The following NEGR1 variants were observed in gnomAD, a reference collection of about 807,000 sequenced individuals.
NEGR1 encodes the protein neuronal growth regulator 1, also known as IgLON family member 4.
NEGR1 carries 10 observed loss-of-function variants against 40.9 expected under a neutral mutation model. The ratio of observed to expected loss-of-function variants is 0.24; its 90% CI spans 0.15 to 0.42. NEGR1 has a LOEUF of 0.42. Ranked by LOEUF, NEGR1 falls within the 10% of genes least tolerant of loss-of-function variation. The pLI, the probability that NEGR1 is intolerant of heterozygous loss-of-function variation, is 1.00. For missense variants in NEGR1, 352 were observed against 438.9 expected, an observed-to-expected ratio of 0.80 and a Z score of 1.77; for synonymous variants, 185 against 166.8, an observed-to-expected ratio of 1.11 and a Z score of -0.84.
In NEGR1 at chr1:71,955,097, T is replaced by C. The variant is rs138184148; in HGVS notation, c.177-19786A>G. On this transcript the variant is annotated intron_variant, in intron 1 of 6. Transcript: ENST00000357731. ...TCCAAATTCTTGGCCCTTTGTACCATGCTTTACAGATTACTACAAAGTACA... is the reference window on the plus strand; with the variant it reads ...TCCAAATTCTTGGCCCTTTGTACCACGCTTTACAGATTACTACAAAGTACA... 4.0e-3 allele frequency among the ~76,000 whole-genome samples: 603 copies of C among 152,292 alleles called. 5 individuals carry two copies. Among genetic ancestry groups the C allele is most frequent in the African/African-American group, 0.013 (555 of 41,580 alleles).
intron 1 of NEGR1, among the ~76,000 whole-genome samples, chr1:72,140,206 G>A (rs1468119060): frequency 7.0e-6 from 1 of 142,858 alleles, no homozygotes; most frequent in Non-Finnish European, 1.5e-5. Flanking sequence ...CTGCTCTTCA[G>A]GACTTAAGAT....
At chr1:71,632,672 T>C (rs1651014216) in intron 4 of NEGR1, among the ~76,000 whole-genome samples, 1 of 151,872 alleles carries the variant, frequency 6.6e-6, no homozygotes, top group Non-Finnish European at 1.5e-5. Context: ...TAAGATAAAG[T>C]TTATTTCTTA....
chr1:72,115,874 G>C (rs1649562062), intron 1 of NEGR1, among the ~76,000 whole-genome samples: 1 of 151,724 alleles, frequency 6.6e-6, no homozygotes, highest in Non-Finnish European at 1.5e-5. Context: ...AAGCACTTCT[G>C]ATAACTTTAA....
At chr1:71,424,400 C>T (rs1458779815) in intron 6 of NEGR1, among the ~76,000 whole-genome samples, 1 of 152,170 alleles carries the variant, frequency 6.6e-6, no homozygotes, top group Non-Finnish European at 1.5e-5. Flanking sequence ...CTCAGTGTCA[C>T]AGGAGATAAT....
chr1:71,417,515 A>G (rs1195248725), intron 6 of NEGR1, among the ~76,000 whole-genome samples: 1 of 152,192 alleles, frequency 6.6e-6, no homozygotes, highest in Non-Finnish European at 1.5e-5. Flanking sequence ...TCATACCATA[A>G]ATATAGAGTT....
chr1:71,542,887 T>G (rs1570008300), intron 6 of NEGR1, among the ~76,000 whole-genome samples: 1 of 151,844 alleles, frequency 6.6e-6, no homozygotes, highest in South Asian at 2.1e-4. Context: ...CATTTAACTT[T>G]GGAAAAAATT....
rs969140708 is a variant in NEGR1, at chr1:71,880,816, C to T, written c.409+54263G>A. On this transcript the variant is annotated intron_variant, in intron 2 of 6. Coordinates refer to ENST00000357731, the MANE Select transcript of NEGR1 (RefSeq NM_173808.3). ...GCTATGAGCATTTTTTTAGAGCTCACATTTACTAGCCACAATATGGAATAT... is the reference window on the plus strand; with the variant it reads ...GCTATGAGCATTTTTTTAGAGCTCATATTTACTAGCCACAATATGGAATAT... Among the ~76,000 whole-genome samples, 5 of 151,926 alleles carry T rather than the reference C, an allele frequency of 3.3e-5. No individual in the cohort carries two copies. The East Asian group carries it at 9.7e-4, about 29-fold the overall frequency.
chr1:71,604,920 C>T (rs976565844), intron 5 of NEGR1, among the ~76,000 whole-genome samples: 1 of 152,178 alleles, frequency 6.6e-6, no homozygotes, highest in Non-Finnish European at 1.5e-5. Flanking sequence ...ATAGGCCCCA[C>T]ACTGCCAAAT....
chr1:71,399,656 T>G lies in NEGR1; in HGVS notation c.*7790A>C, dbSNP rs2101246381. The G allele has an allele frequency of 6.6e-6, 1 of 152,372 alleles. No homozygotes were observed. The highest frequency in any genetic ancestry group is 2.1e-4 in the South Asian group (1 of 4,832). The allele number at this position is 152,372 out of a possible 1,614,324, so 9.4% of individuals were successfully genotyped here. A position where few individuals can be genotyped will look rare whatever the true frequency, so the allele number is the denominator to read the frequency against. On this transcript the variant is annotated 3_prime_UTR_variant, in exon 7 of 7. Transcript: ENST00000357731. ...TTGTATTTGTGTGTGAGTATGTGTT[T>G]TGTTTTGAAAAAGACATCAGCTTGA...
chr1:71,742,991 CA>C (rs1434897805), intron 3 of NEGR1, among the ~76,000 whole-genome samples: 1 of 152,110 alleles, frequency 6.6e-6, no homozygotes, highest in Non-Finnish European at 1.5e-5. Flanking sequence ...AAAGAAGACA[CA>C]AGAGAGGTTA....
intron 3 of NEGR1, among the ~76,000 whole-genome samples, chr1:71,734,871 T>C (rs1654996995): frequency 6.6e-6 from 1 of 151,994 alleles, no homozygotes; most frequent in African/African-American, 2.4e-5. Flanking sequence ...TCCTCTTCAG[T>C]TCTCTTGTCT....
At chr1:71,449,906 G>A (rs781117375) in intron 6 of NEGR1, among the ~76,000 whole-genome samples, 4 of 151,764 alleles carry the variant, frequency 2.6e-5, no homozygotes, top group African/African-American at 4.8e-5. Flanking sequence ...AGTGATATAA[G>A]CCAGGAATTT....
intron 1 of NEGR1, among the ~76,000 whole-genome samples, chr1:72,172,648 T>G (rs1652003507): frequency 6.6e-6 from 1 of 152,192 alleles, no homozygotes; most frequent in African/African-American, 2.4e-5. Context: ...TACCACAAAT[T>G]CAGTGGCTTA....
intron 1 of NEGR1, among the ~76,000 whole-genome samples, chr1:72,169,881 A>C (rs1651896794): frequency 6.6e-6 from 1 of 152,152 alleles, no homozygotes; most frequent in Non-Finnish European, 1.5e-5. Flanking sequence ...TTAACACACT[A>C]ATGTTCTGTG....
rs1217535931 is a variant in NEGR1, at chr1:72,274,725, T to TG, written c.176+7593dup. 8 of 1,039,542 alleles carry TG rather than the reference T, an allele frequency of 7.7e-6. No homozygotes were observed. The East Asian group carries it at 1.9e-4, about 25-fold the overall frequency. The allele number at this position is 1,039,542 out of a possible 1,614,324, so 64.4% of individuals were successfully genotyped here. On this transcript the variant is annotated intron_variant, in intron 1 of 6. Coordinates refer to ENST00000357731, the MANE Select transcript of NEGR1 (RefSeq NM_173808.3). Reference sequence around the variant, plus strand: ...TCATTGTGCAGAATGGAAAAGTAATTGGAGTAAAATCGGAAGGAGAAATTG... The same window carrying TG: ...TCATTGTGCAGAATGGAAAAGTAATTGGGAGTAAAATCGGAAGGAGAAATTG...
At chr1:71,507,069 G>A (rs1010201898) in intron 6 of NEGR1, among the ~76,000 whole-genome samples, 1 of 152,210 alleles carries the variant, frequency 6.6e-6, no homozygotes, top group African/African-American at 2.4e-5. Flanking sequence ...ATTCATACAT[G>A]GAGAACTGGT....
intron 3 of NEGR1, among the ~76,000 whole-genome samples, chr1:71,739,860 A>C (rs199692808): frequency 2.0e-4 from 31 of 152,302 alleles, no homozygotes; most frequent in East Asian, 1.9e-3. Flanking sequence ...AAAAATATTT[A>C]ATAGCTTTTA....
chr1:71,924,803 G>C (rs1020288287), intron 2 of NEGR1, among the ~76,000 whole-genome samples: 16 of 151,992 alleles, frequency 1.1e-4, no homozygotes, highest in East Asian at 5.8e-4. Flanking sequence ...TTCTACACTT[G>C]TGAAAATATG....
At chr1:71,682,137 T>C (rs1043877699) in intron 4 of NEGR1, among the ~76,000 whole-genome samples, 2 of 152,174 alleles carry the variant, frequency 1.3e-5, no homozygotes, top group African/African-American at 2.4e-5. Flanking sequence ...ACATTCCATA[T>C]AATTTTGTAA....
Sources: allele counts gnomAD v4.1 joint callset (sites outside exome capture counted in the v4.1 genomes callset), GRCh38; gene constraint gnomAD v4.1.1; transcripts MANE v1.5; gene names NCBI Gene and HGNC (gene_info 2026-07-23, HGNC 2026-07-21).